Variants in FUT8 observed in about 807,000 individuals in gnomAD.
The protein encoded by FUT8 is fucosyltransferase 8, also known as alpha-(1,6)-fucosyltransferase.
FUT8 carries 29 observed loss-of-function variants against 71.3 expected under a neutral mutation model. That is an observed-to-expected ratio of 0.41 (90% CI 0.30 to 0.55). The LOEUF (loss-of-function observed/expected upper bound fraction) is 0.55. Ranked by LOEUF, FUT8 falls within the 20% of genes least tolerant of loss-of-function variation. FUT8 has a pLI of 0.34. For missense variants in FUT8, 544 were observed against 702.1 expected (o/e 0.77, Z 2.55); for synonymous variants, 254 against 239.3 (o/e 1.06, Z -0.57).
At chr14:65,628,274 A>G (rs1239302024) in intron 5 of FUT8, among the ~76,000 whole-genome samples, 1 of 152,200 alleles carries the variant, frequency 6.6e-6, no homozygotes, top group African/African-American at 2.4e-5. Context: ...AAAGTGAGCC[A>G]TATTGGGTGG....
chr14:65,453,269 G>A (rs533154534), intron 1 of FUT8, among the ~76,000 whole-genome samples: 27 of 152,138 alleles, frequency 1.8e-4, no homozygotes, highest in African/African-American at 6.0e-4. Flanking sequence ...TTCTTGAGTA[G>A]TTGGGACTAC....
rs2066162077 is a variant in FUT8 at position 65,472,433 on chromosome 14, G to A, written c.-228+16715G>A. On this transcript the variant is annotated intron_variant, in intron 2 of 10. Coordinates refer to ENST00000673929, the MANE Select transcript of FUT8 (RefSeq NM_001371533.1). This position sits in a 1 kb window ranked among gnomAD's most constrained non-coding sequence, Gnocchi z 4.4. ...CATTGAGATCAAATTTCAACAGGAGGGACAATCATCTAAGTGATAGCATAG... is the reference window on the plus strand; with the variant it reads ...CATTGAGATCAAATTTCAACAGGAGAGACAATCATCTAAGTGATAGCATAG... Among the ~76,000 whole-genome samples the A allele has an allele frequency of 1.3e-5, 2 of 151,904 alleles. No individual in the cohort carries two copies. Among genetic ancestry groups the A allele is most frequent in the South Asian group, 4.2e-4 (2 of 4,808 alleles).
At chr14:65,539,423 A>G (rs1884543475) in intron 2 of FUT8, among the ~76,000 whole-genome samples, 1 of 152,186 alleles carries the variant, frequency 6.6e-6, no homozygotes, top group African/African-American at 2.4e-5. Flanking sequence ...TCTTAGGCAA[A>G]TTAATTAACC....
the FUT8 span, among the ~76,000 whole-genome samples, chr14:65,371,403 A>G: frequency 6.6e-6 from 1 of 152,270 alleles, no homozygotes; most frequent in Non-Finnish European, 1.5e-5. Context: ...ATCATTCAAT[A>G]TTTAGATCCC....
intron 1 of FUT8, among the ~76,000 whole-genome samples, chr14:65,429,075 CAG>C (rs2139420006): frequency 6.6e-6 from 1 of 152,194 alleles, no homozygotes; most frequent in African/African-American, 2.4e-5. Context: ...GTGTTTGTAA[CAG>C]GAGTAGACAA....
chr14:65,630,066 C>T (rs1425758146), intron 6 of FUT8, among the ~76,000 whole-genome samples: 2 of 152,010 alleles, frequency 1.3e-5, no homozygotes, highest in African/African-American at 4.8e-5. Flanking sequence ...AGCAGTGGCT[C>T]GTAACTGGGA....
In FUT8 at chr14:65,431,456, T is replaced by C. The variant is rs866818173; in HGVS notation, c.-326+18242T>C. On this transcript the variant is annotated intron_variant, in intron 1 of 10. Transcript: ENST00000673929. ...TCTGGAGTAGCTGGGACTACAGGCA[T>C]GCGTCACCATACCCGGCTTTTTTTT... 2.6e-5 allele frequency among the ~76,000 whole-genome samples: 4 copies of C among 151,904 alleles called. No individual in the cohort carries two copies. In the South Asian group the frequency reaches 8.3e-4, roughly 32 times the overall value.
Position 65,652,716 on chromosome 14 carries a change from A to C in FUT8, c.598-16527A>C, listed in dbSNP as rs1324838792. On this transcript the variant is annotated intron_variant, in intron 6 of 10. Transcript: ENST00000673929. The surrounding 1 kb of genome is among the most constrained non-coding windows in gnomAD (Gnocchi z 4.0). ...CCAGGTGCCTGACACAATGGGGGTC[A>C]ATATGTATTTATTGGATAAAGGAAT... Among the ~76,000 whole-genome samples, 1 of 152,156 alleles carries C rather than the reference A, an allele frequency of 6.6e-6. No homozygotes were observed. The highest frequency in any genetic ancestry group is 1.9e-4 in the East Asian group (1 of 5,190).
intron 7 of FUT8, among the ~76,000 whole-genome samples, chr14:65,692,077 C>T (rs867543701): frequency 2.0e-5 from 3 of 151,974 alleles, no homozygotes; most frequent in South Asian, 2.1e-4. Context: ...TCCACAAAAC[C>T]GCCATTGTCA....
chr14:65,379,723 A>G, the FUT8 span, among the ~76,000 whole-genome samples: 7 of 152,200 alleles, frequency 4.6e-5, no homozygotes, highest in African/African-American at 1.2e-4. Context: ...TTGTGCTGCT[A>G]TAACAGGATA....
At chr14:65,450,642 G>A (rs1327260467) in intron 1 of FUT8, among the ~76,000 whole-genome samples, 1 of 152,032 alleles carries the variant, frequency 6.6e-6, no homozygotes, top group Non-Finnish European at 1.5e-5. Context: ...CTTTCAGTTT[G>A]TATCTTTTCT....
intron 2 of FUT8, among the ~76,000 whole-genome samples, chr14:65,517,976 G>A (rs1882824518): frequency 6.6e-6 from 1 of 152,176 alleles, no homozygotes; most frequent in African/African-American, 2.4e-5. Context: ...GATTTTTAAA[G>A]GCTAAAACTT....
At chr14:65,484,892 T>C (rs1190861765) in intron 2 of FUT8, among the ~76,000 whole-genome samples, 4 of 152,292 alleles carry the variant, frequency 2.6e-5, no homozygotes, top group East Asian at 3.9e-4. Flanking sequence ...TTTTCCAAGT[T>C]CATGGATTTT....
At chr14:65,383,260 CTTTTCTTTTTTTTTTT>C in the FUT8 span, among the ~76,000 whole-genome samples, 1 of 95,820 alleles carries the variant, frequency 1.0e-5, no homozygotes, top group South Asian at 4.3e-4. Context: ...TTTTCTTTTT[CTTTTCTTTTTTTTTTT>C]TTTTTTTTTT....
At chr14:65,576,638 C>A (rs1170595519) in intron 3 of FUT8, among the ~76,000 whole-genome samples, 1 of 148,046 alleles carries the variant, frequency 6.8e-6, no homozygotes, top group Non-Finnish European at 1.5e-5. Flanking sequence ...AAGCGATCCT[C>A]CTACTTCAGC....
At chr14:65,707,402 C>T (rs1894604925) in intron 7 of FUT8, among the ~76,000 whole-genome samples, 2 of 151,874 alleles carry the variant, frequency 1.3e-5, no homozygotes, top group African/African-American at 4.8e-5. Context: ...AGATATTAGC[C>T]CTTTGTTGGG....
chr14:65,724,028 A>G (rs1895556508), intron 8 of FUT8, 119 bp from the exon 9 acceptor site: 1 of 662,490 alleles, frequency 1.5e-6, no homozygotes, highest in Non-Finnish European at 2.4e-6. Context: ...AATAGTGAAA[A>G]TGAAAGAAAA....
chr14:65,433,524 G>A (rs2065507916), intron 1 of FUT8, among the ~76,000 whole-genome samples: 1 of 152,158 alleles, frequency 6.6e-6, no homozygotes, highest in African/African-American at 2.4e-5. Context: ...ATTAAAATTT[G>A]TGAAAGAGCA....
At chr14:65,448,967 T>A (rs560908083) in intron 1 of FUT8, among the ~76,000 whole-genome samples, 2 of 152,324 alleles carry the variant, frequency 1.3e-5, no homozygotes, top group African/African-American at 4.8e-5. Context: ...TCACTTAAAT[T>A]GTTTTAGTGA....
Sources: allele counts gnomAD v4.1 joint callset (sites outside exome capture counted in the v4.1 genomes callset), GRCh38; gene constraint gnomAD v4.1.1; non-coding constraint Gnocchi (gnomAD v3.1); transcripts MANE v1.5; gene names NCBI Gene and HGNC (gene_info 2026-07-23, HGNC 2026-07-21).